MEGF11: variants seen among roughly 807,000 people sequenced by gnomAD.
MEGF11 encodes multiple epidermal growth factor-like domains protein 11.
A neutral mutation model predicts 146.6 loss-of-function variants in MEGF11; 126 were observed. The ratio of observed to expected loss-of-function variants is 0.86; its 90% confidence interval spans 0.74 to 1.00. MEGF11 has a LOEUF of 1.00. Among genes scored for constraint, MEGF11 ranks in the 50% least tolerant of loss-of-function variants. The pLI is 0.00. For synonymous variants in MEGF11, 532 were observed against 583.4 expected (o/e 0.91, Z 1.27); for missense variants, 1,509 against 1,521.2 (o/e 0.99, Z 0.13).
At chr15:66,107,608 TAC>T (rs1283291341) in intron 4 of MEGF11, among the ~76,000 whole-genome samples, 1 of 151,964 alleles carries the variant, frequency 6.6e-6, no homozygotes, top group Non-Finnish European at 1.5e-5. Flanking sequence ...GGGACATGGG[TAC>T]AGATACCAGA....
chr15:66,099,731 G>A (rs2140742333), intron 4 of MEGF11, among the ~76,000 whole-genome samples: 1 of 152,314 alleles, frequency 6.6e-6, no homozygotes, highest in South Asian at 2.1e-4. Context: ...AAATGTTGCT[G>A]TTGTTATTAA....
chr15:66,205,127 CA>C (rs912741257), intron 1 of MEGF11, among the ~76,000 whole-genome samples: 2 of 151,928 alleles, frequency 1.3e-5, no homozygotes, highest in African/African-American at 4.8e-5. Flanking sequence ...GGCAGCTTAG[CA>C]AGACAAGAAA....
Position 66,046,249 on chromosome 15 carries a change from CT to C in MEGF11, c.394+48152del, listed in dbSNP as rs1167882861. The stretch of plus-strand genomic sequence containing the variant: ...GCCTTATTTTCTTCTTTCTCTTCCC[CT>C]AGCTTACTACCTCCCCCTGCAGCCC... On this transcript the variant is annotated intron_variant, in intron 5 of 25. Coordinates refer to ENST00000395614, the MANE Select transcript of MEGF11 (RefSeq NM_001385028.1). Among the ~76,000 whole-genome samples the C allele has an allele frequency of 4.6e-5, 7 of 152,348 alleles. No individual in the cohort carries two copies. In the East Asian group the frequency reaches 1.3e-3, roughly 29 times the overall value.
intron 17 of MEGF11, 174 bp downstream of exon 17, chr15:65,916,654 G>A: frequency 8.6e-7 from 1 of 1,166,562 alleles, no homozygotes; most frequent in Non-Finnish European, 1.2e-6. Context: ...ATCCAGTCAG[G>A]TCTGGAGCTG....
At chr15:65,922,010 A>G (rs1336542158) in intron 15 of MEGF11, 1 of 344,236 alleles carries the variant, frequency 2.9e-6, no homozygotes, top group African/African-American at 2.2e-5. Flanking sequence ...GGCACAGACC[A>G]CATGGTGCCA....
chr15:66,153,122 C>T lies in MEGF11; in HGVS notation c.-8-24711G>A, dbSNP rs12594603. ...TTTTGCTTCCCACCCAGTCTCTAAA[C>T]TTCTCACAAAGGGCCCTGGTTTCTG... On this transcript the variant is annotated intron_variant, in intron 1 of 25. Transcript: ENST00000395614. 0.042 allele frequency among the ~76,000 whole-genome samples: 6,470 copies of T among 152,318 alleles called. 868 individuals are homozygous for T. In the East Asian group the frequency reaches 0.55, roughly 13 times the overall value.
chr15:66,095,843 C>T (rs909320199), intron 4 of MEGF11, among the ~76,000 whole-genome samples: 6 of 152,194 alleles, frequency 3.9e-5, no homozygotes, highest in African/African-American at 1.4e-4. Context: ...GTGGTGCTTC[C>T]CCAGTGCTGG....
intron 13 of MEGF11, among the ~76,000 whole-genome samples, chr15:65,925,066 C>T (rs554337824): frequency 3.3e-5 from 5 of 152,292 alleles, no homozygotes; most frequent in South Asian, 2.1e-4. Flanking sequence ...CACTCTTTGC[C>T]AGCTGACCAA....
chr15:66,246,418 G>A (rs1172946364), intron 1 of MEGF11, among the ~76,000 whole-genome samples: 1 of 152,086 alleles, frequency 6.6e-6, no homozygotes, highest in Non-Finnish European at 1.5e-5. Flanking sequence ...ACCAGAAGGG[G>A]AGATGACTTG....
chr15:66,002,784 T>C (rs998820428), intron 5 of MEGF11, among the ~76,000 whole-genome samples: 8 of 152,138 alleles, frequency 5.3e-5, no homozygotes, highest in Non-Finnish European at 1.2e-4. Context: ...GTCCCATAGG[T>C]GACTCAGAGA....
intron 1 of MEGF11, among the ~76,000 whole-genome samples, chr15:66,129,959 G>A (rs1216304023): frequency 6.6e-6 from 1 of 152,118 alleles, no homozygotes; most frequent in African/African-American, 2.4e-5. Flanking sequence ...AGAGGGGAGC[G>A]ATTCTGGTGT....
intron 4 of MEGF11, among the ~76,000 whole-genome samples, chr15:66,113,975 TC>T (rs758085177): frequency 3.0e-4 from 46 of 152,204 alleles, no homozygotes; most frequent in Non-Finnish European, 5.0e-4. Context: ...AAATGCAAAT[TC>T]TTGGGCCCCA....
At chr15:65,998,392 C>A (rs962468037) in intron 5 of MEGF11, among the ~76,000 whole-genome samples, 9 of 152,112 alleles carry the variant, frequency 5.9e-5, no homozygotes, top group Non-Finnish European at 1.3e-4. Context: ...CAGGGAGGAG[C>A]CAGGTGAGGG....
intron 5 of MEGF11, among the ~76,000 whole-genome samples, chr15:66,079,356 C>G (rs2085735903): frequency 6.6e-6 from 1 of 152,050 alleles, no homozygotes. Flanking sequence ...TTCAAGAGGC[C>G]AAAGAAGAGA....
chr15:65,935,306 C>T (rs981249696), intron 10 of MEGF11, among the ~76,000 whole-genome samples: 3 of 114,744 alleles, frequency 2.6e-5, no homozygotes, highest in Admixed American at 1.3e-4. Flanking sequence ...GGTGACAGAG[C>T]GAGACTCCGT....
intron 7 of MEGF11, among the ~76,000 whole-genome samples, chr15:65,977,466 A>C (rs511563): frequency 0.82 from 121,733 of 148,890 alleles, 50,618 homozygotes; most frequent in Non-Finnish European, 0.91. Context: ...GGCCCCAAAA[A>C]CTCTCTCCCT....
chr15:65,899,489 C>T (rs1251045486), intron 24 of MEGF11, among the ~76,000 whole-genome samples: 4 of 152,300 alleles, frequency 2.6e-5, no homozygotes, highest in South Asian at 2.1e-4. Context: ...ATTATCGGTA[C>T]GTGCCACCAC....
Position 66,036,880 on chromosome 15 carries a change from C to G in MEGF11, c.395-54392G>C, listed in dbSNP as rs561118132. 4.4e-4 allele frequency among the ~76,000 whole-genome samples: 67 copies of G among 152,294 alleles called. 1 individual carries two copies. Among genetic ancestry groups the G allele is most frequent in the South Asian group, 1.7e-3 (8 of 4,826 alleles). On this transcript the variant is annotated intron_variant, in intron 5 of 25. Coordinates refer to ENST00000395614, the MANE Select transcript of MEGF11 (RefSeq NM_001385028.1). ...GGATAACAAGCGTCTATCAACTTCCCCTTCCCCTCTCTAATTCCTCCTTGC... is the reference window on the plus strand; with the variant it reads ...GGATAACAAGCGTCTATCAACTTCCGCTTCCCCTCTCTAATTCCTCCTTGC...
rs1385347300 is a variant in MEGF11 at position 66,053,047 on chromosome 15, GGTAC to G, written c.394+41351_394+41354del. The stretch of plus-strand genomic sequence containing the variant: ...GGGCAGATGAATGGACAAGTGGACA[GGTAC>G]ATGGATGGATAGATGGATGGATGCA... On this transcript the variant is annotated intron_variant, in intron 5 of 25. Coordinates refer to ENST00000395614, the MANE Select transcript of MEGF11 (RefSeq NM_001385028.1). 3.3e-5 allele frequency among the ~76,000 whole-genome samples: 5 copies of G among 152,150 alleles called. No individual in the cohort carries two copies. The South Asian group carries it at 1.0e-3, about 32-fold the overall frequency.
Sources: gnomAD v4.1 joint callset for allele counts (sites outside exome capture counted in the v4.1 genomes callset) on GRCh38, gnomAD v4.1.1 for gene constraint, MANE v1.5 for transcripts, NCBI Gene and HGNC (gene_info 2026-07-23, HGNC 2026-07-21) for gene names.